The following GOLGA3 variants were observed in gnomAD, a reference collection of about 807,000 sequenced individuals.
GOLGA3 encodes golgin A3.
Under a neutral mutation model 169.4 loss-of-function variants are expected in GOLGA3, and 75 were observed. That is an observed-to-expected ratio of 0.44 (90% CI 0.37 to 0.54). GOLGA3 has a LOEUF of 0.54. GOLGA3 is among the 20% of genes least tolerant of loss of function. The probability of loss-of-function intolerance (pLI) is 0.00; values close to 1 mark genes in which losing one functional copy is unlikely to be tolerated. For missense variants in GOLGA3, 1,899 were observed against 1,930.0 expected (o/e 0.98, Z 0.30); for synonymous variants, 824 against 822.4 (o/e 1.00, Z -0.03).
Position 132,807,891 on chromosome 12 carries a change from C to T in GOLGA3, c.1178G>A (p.Ser393Asn). 5.6e-6 allele frequency: 9 copies of T among 1,600,418 alleles called. No homozygotes were observed. The highest frequency in any genetic ancestry group is 7.7e-6 in the Non-Finnish European group (9 of 1,173,998). The change falls in exon 5 of 24, where the codon AGC (serine) becomes AAC (asparagine). Residue 393 changes from serine (S) to asparagine (N), a missense_variant and splice_region_variant. Coordinates refer to ENST00000450791, the MANE Select transcript of GOLGA3 (RefSeq NM_001389683.1). Reference protein sequence around the residue: ...VRSRRDSICSSVSLESSAAET... With the variant: ...VRSRRDSICSNVSLESSAAET... ...CGCCCACCTCTGCTGTCCCCACCAC[C>T]TGCTGCAGATGCTGTCTCTCCGACT...
chr12:132,773,437 TCAGC>T, intron 23 of GOLGA3, 143 bp from the exon 24 acceptor site: 1 of 421,906 alleles, frequency 2.4e-6, no homozygotes, highest in Non-Finnish European at 4.2e-6. Context: ...CCACAGAAGC[TCAGC>T]TGTTCTCAGC....
At chr12:132,807,052 C>T (rs1011391746) in intron 6 of GOLGA3, 125 bp downstream of exon 6, 6 of 596,164 alleles carry the variant, frequency 1.0e-5, no homozygotes, top group Middle Eastern at 3.9e-4. Flanking sequence ...GCAGAACCCT[C>T]GGCTGCCACA....
chr12:132,781,025 G>T, intron 17 of GOLGA3, 111 bp from the exon 18 acceptor site: 1 of 761,606 alleles, frequency 1.3e-6, no homozygotes. Context: ...ACGCCAGGGA[G>T]GTAGAGGGAA....
Position 132,795,250 on chromosome 12 carries a change from G to A in GOLGA3, c.2469+602C>T, listed in dbSNP as rs1197953347. On this transcript the variant is annotated intron_variant, in intron 11 of 23. Transcript: ENST00000450791. ...CTCACGCCTGTAATCCGAGCACTGT[G>A]GGAGGCGGAGGCAGGCAGATCACTT... 4.6e-5 allele frequency among the ~76,000 whole-genome samples: 7 copies of A among 152,076 alleles called. No homozygotes were observed. In the East Asian group the frequency reaches 1.2e-3, roughly 25 times the overall value.
chr12:132,805,282 TGACA>T (rs1181351963), intron 6 of GOLGA3, among the ~76,000 whole-genome samples: 2 of 118,714 alleles, frequency 1.7e-5, no homozygotes, highest in Non-Finnish European at 1.7e-5. Context: ...TCCCAAGGCC[TGACA>T]GAGGACCCTG....
At chr12:132,825,311 A>G (rs1368329004) in intron 1 of GOLGA3, among the ~76,000 whole-genome samples, 1 of 151,830 alleles carries the variant, frequency 6.6e-6, no homozygotes. Context: ...CTCTGCCATC[A>G]CTGTACCTCA....
chr12:132,794,441 T>A (rs1948721392), intron 11 of GOLGA3, among the ~76,000 whole-genome samples: 1 of 151,322 alleles, frequency 6.6e-6, no homozygotes, highest in Admixed American at 6.6e-5. Context: ...CGTCTCCCAG[T>A]CGGCTGACTA....
At chr12:132,811,079 CCTTA>C (rs1432556504) in intron 4 of GOLGA3, among the ~76,000 whole-genome samples, 2 of 152,340 alleles carry the variant, frequency 1.3e-5, no homozygotes, top group Non-Finnish European at 2.9e-5. Context: ...ACCCACGTGA[CCTTA>C]CTTATCATTG....
At chr12:132,800,698 C>T (rs980853457) in intron 8 of GOLGA3, among the ~76,000 whole-genome samples, 16 of 152,154 alleles carry the variant, frequency 1.1e-4, no homozygotes, top group Non-Finnish European at 1.5e-4. Flanking sequence ...CGGTGGCTCA[C>T]GCCTGTAATC....
At chr12:132,797,078 C>T (rs1948882424) in intron 9 of GOLGA3, among the ~76,000 whole-genome samples, 1 of 152,246 alleles carries the variant, frequency 6.6e-6, no homozygotes, top group South Asian at 2.1e-4. Context: ...AACACAGCCT[C>T]ACATCGGGGT....
At chr12:132,821,304 G>A (rs1566147501) in intron 2 of GOLGA3, among the ~76,000 whole-genome samples, 3 of 151,730 alleles carry the variant, frequency 2.0e-5, no homozygotes, top group Admixed American at 2.0e-4. Context: ...CTACTCGGGA[G>A]GCTGAGGCAG....
chr12:132,813,076 AT>A (rs1949793882), intron 4 of GOLGA3, among the ~76,000 whole-genome samples: 1 of 152,226 alleles, frequency 6.6e-6, no homozygotes, highest in Admixed American at 6.5e-5. Context: ...CTTTATTGCA[AT>A]GTTTACATTT....
At position 132,782,465 on chromosome 12, in the gene GOLGA3, T is replaced by C; in HGVS notation, c.3296A>G (p.Lys1099Arg). The C allele has an allele frequency of 6.2e-7, 1 of 1,614,096 alleles. No homozygotes were observed. Residue 1099 changes from lysine (K) to arginine (R), a missense_variant, in exon 17 of 24, where the codon AAG becomes AGG. Coordinates refer to ENST00000450791, the MANE Select transcript of GOLGA3 (RefSeq NM_001389683.1). ...GTTTGACTCCTCAAGGCGTTTTATCTTCTTCCTAAAGCCTCTGGATTCTTG... is the reference window on the plus strand; with the variant it reads ...GTTTGACTCCTCAAGGCGTTTTATCCTCTTCCTAAAGCCTCTGGATTCTTG... ...ELQESRGFRK[K>R]IKRLEESNKK...
chr12:132,801,682 A>AAT (rs1378969777), intron 8 of GOLGA3, 85 bp downstream of exon 8: 1 of 1,355,742 alleles, frequency 7.4e-7, no homozygotes, highest in Non-Finnish European at 1.0e-6. Flanking sequence ...GTGAACTCTA[A>AAT]AAACAGAAAA....
intron 23 of GOLGA3, 99 bp from the exon 24 acceptor site, chr12:132,773,393 G>A (rs1010530493): frequency 1.7e-5 from 13 of 746,328 alleles, no homozygotes; most frequent in East Asian, 9.2e-5. Flanking sequence ...TGAGTGGACC[G>A]GGGCGCCTTC....
chr12:132,810,197 G>A (rs1052498738), intron 4 of GOLGA3, among the ~76,000 whole-genome samples: 5 of 152,112 alleles, frequency 3.3e-5, no homozygotes, highest in African/African-American at 1.2e-4. Flanking sequence ...GTAATAAGCC[G>A]AGATCATGCC....
intron 4 of GOLGA3, among the ~76,000 whole-genome samples, chr12:132,810,082 C>T (rs998986626): frequency 1.3e-5 from 2 of 152,066 alleles, no homozygotes; most frequent in Non-Finnish European, 2.9e-5. Flanking sequence ...CCCGTCTCTA[C>T]TAAAAATACA....
At chr12:132,783,944 T>C (rs11147073) in intron 16 of GOLGA3, 1,431,248 of 1,439,278 alleles carry the variant, frequency 0.99, 711,982 homozygotes, top group East Asian at 1. Flanking sequence ...TCTGTAACCA[T>C]TCCACCAAAG....
chr12:132,803,574 T>C (rs1372060842), intron 7 of GOLGA3, among the ~76,000 whole-genome samples: 1 of 152,188 alleles, frequency 6.6e-6, no homozygotes, highest in Non-Finnish European at 1.5e-5. Flanking sequence ...TGAGAACTTT[T>C]TGGGTTTCAT....
Sources: gnomAD v4.1 joint callset for allele counts (sites outside exome capture counted in the v4.1 genomes callset) on GRCh38, gnomAD v4.1.1 for gene constraint, MANE v1.5 for transcripts, NCBI Gene and HGNC (gene_info 2026-07-23, HGNC 2026-07-21) for gene names.